PCDHA13: variants seen among roughly 807,000 people sequenced by gnomAD.
The protein encoded by PCDHA13 is protocadherin alpha 13, also known as protocadherin alpha-13.
In PCDHA13, 54 loss-of-function variants were observed where a neutral mutation model predicts 64.8. The observed-to-expected ratio is 0.83, with a 90% CI of 0.67 to 1.04. PCDHA13 has a LOEUF of 1.04. Ranked by LOEUF, PCDHA13 falls within the 50% of genes least tolerant of loss-of-function variation. PCDHA13 has a pLI of 0.00. For synonymous variants in PCDHA13, 587 were observed against 564.4 expected (o/e 1.04, Z -0.57); for missense variants, 1,248 against 1,254.3 (o/e 0.99, Z 0.08).
intron 3 of PCDHA13, among the ~76,000 whole-genome samples, chr5:141,009,392 G>A (rs1016452113): frequency 2.6e-5 from 4 of 152,184 alleles, no homozygotes; most frequent in Non-Finnish European, 4.4e-5. Flanking sequence ...ACAGGAGGTC[G>A]AGGCTGCAGT....
chr5:140,941,373 G>A (rs576282436), intron 1 of PCDHA13, among the ~76,000 whole-genome samples: 2 of 134,082 alleles, frequency 1.5e-5, no homozygotes, highest in South Asian at 5.1e-4. Flanking sequence ...CTGGAGTGTA[G>A]TGACAGGATT....
intron 1 of PCDHA13, among the ~76,000 whole-genome samples, chr5:140,914,270 ATATATT>A (rs1554196274): frequency 6.6e-6 from 1 of 152,146 alleles, no homozygotes; most frequent in Non-Finnish European, 1.5e-5. Context: ...GTGGGTGCAT[ATATATT>A]TATAATTGTT....
intron 3 of PCDHA13, among the ~76,000 whole-genome samples, chr5:140,994,980 C>A (rs1311252472): frequency 4.6e-5 from 7 of 151,992 alleles, no homozygotes; most frequent in Admixed American, 1.3e-4. Flanking sequence ...CCATGGAGAC[C>A]CACTAGAAGG....
intron 1 of PCDHA13, among the ~76,000 whole-genome samples, chr5:140,970,706 A>G (rs1266484266): frequency 6.6e-6 from 1 of 152,224 alleles, no homozygotes; most frequent in Non-Finnish European, 1.5e-5. Context: ...CTACTACACA[A>G]TGTGTGAACA....
At position 140,936,025 on chromosome 5, in the gene PCDHA13, G is replaced by A. The variant is rs542573400; in HGVS notation, c.2395-42924G>A. On this transcript the variant is annotated intron_variant, in intron 1 of 3. Coordinates refer to ENST00000289272, the MANE Select transcript of PCDHA13 (RefSeq NM_018904.3). ...CTCCCACCTCAGCCTCCCGAGTAGC[G>A]GGGATTACAGGCACCCACCACCACA... 1.5e-3 allele frequency among the ~76,000 whole-genome samples: 222 copies of A among 151,390 alleles called. 1 individual carries two copies. The highest frequency in any genetic ancestry group is 6.8e-3 in the Middle Eastern group (2 of 294).
intron 1 of PCDHA13, among the ~76,000 whole-genome samples, chr5:140,956,777 G>A (rs1470027067): frequency 6.6e-6 from 1 of 152,022 alleles, no homozygotes; most frequent in Admixed American, 6.6e-5. Context: ...GTCTGGTCCT[G>A]GGCTTTGTTT....
At chr5:140,952,961 A>G (rs531904047) in intron 1 of PCDHA13, among the ~76,000 whole-genome samples, 1 of 152,158 alleles carries the variant, frequency 6.6e-6, no homozygotes, top group East Asian at 1.9e-4. Context: ...GGGAAGTGAT[A>G]CACACTTTTA....
chr5:140,968,488 C>A, intron 1 of PCDHA13: 1 of 1,614,148 alleles, frequency 6.2e-7, no homozygotes, highest in South Asian at 1.1e-5. Context: ...ACATGAATGA[C>A]CATGCCCCTC....
chr5:140,889,639 G>A (rs1271182789), intron 1 of PCDHA13, among the ~76,000 whole-genome samples: 1 of 151,770 alleles, frequency 6.6e-6, no homozygotes, highest in Non-Finnish European at 1.5e-5. Flanking sequence ...TTTCATTTGT[G>A]TTTGCAGGAG....
chr5:140,940,305 A>G (rs2092590184), intron 1 of PCDHA13, among the ~76,000 whole-genome samples: 1 of 152,126 alleles, frequency 6.6e-6, no homozygotes, highest in Non-Finnish European at 1.5e-5. Flanking sequence ...GTAATTTATT[A>G]TCTTTCTTCC....
intron 1 of PCDHA13, among the ~76,000 whole-genome samples, chr5:140,948,191 C>A (rs2094221032): frequency 6.6e-6 from 1 of 151,562 alleles, no homozygotes; most frequent in African/African-American, 2.4e-5. Context: ...CCCACTTAGT[C>A]ATGATATATT....
rs2093245729 is a variant in PCDHA13 at position 140,942,201 on chromosome 5, G to A, written c.2395-36748G>A. Among the ~76,000 whole-genome samples, 3 of 151,938 alleles carry A rather than the reference G, an allele frequency of 2.0e-5. No individual in the cohort carries two copies. The South Asian group carries it at 6.2e-4, about 32-fold the overall frequency. On this transcript the variant is annotated intron_variant, in intron 1 of 3. Coordinates refer to ENST00000289272, the MANE Select transcript of PCDHA13 (RefSeq NM_018904.3). Reference sequence around the variant, plus strand: ...GACATTTTATTTAAAATACATTTTTGAGCATAAGATATTTAAAATGTGTAG... The same window carrying A: ...GACATTTTATTTAAAATACATTTTTAAGCATAAGATATTTAAAATGTGTAG...
chr5:140,989,528 G>A (rs1451731382), intron 3 of PCDHA13, among the ~76,000 whole-genome samples: 2 of 152,178 alleles, frequency 1.3e-5, no homozygotes, highest in African/African-American at 4.8e-5. Context: ...GGCAGAGGAG[G>A]AAGATAGTTT....
chr5:140,903,434 A>T (rs1372993909), intron 1 of PCDHA13, among the ~76,000 whole-genome samples: 1 of 152,226 alleles, frequency 6.6e-6, no homozygotes, highest in Non-Finnish European at 1.5e-5. Context: ...AATATGTATC[A>T]GTGGAATTCA....
rs782118774 is a variant in PCDHA13 at position 140,929,021 on chromosome 5, G to A, written c.2394+44359G>A. ...TTCGTGTGTACCAAGTTGCACCAGAGCCCAGGCTGTTGCGCTCAGAGCTGC... is the reference window on the plus strand; with the variant it reads ...TTCGTGTGTACCAAGTTGCACCAGAACCCAGGCTGTTGCGCTCAGAGCTGC... On this transcript the variant is annotated intron_variant, in intron 1 of 3. Coordinates refer to ENST00000289272, the MANE Select transcript of PCDHA13 (RefSeq NM_018904.3). 5 of 1,614,072 alleles carry A rather than the reference G, an allele frequency of 3.1e-6. No homozygotes were observed. In the African/African-American group the frequency reaches 6.7e-5, roughly 22 times the overall value.
chr5:140,953,364 G>T (rs1177357093), intron 1 of PCDHA13, among the ~76,000 whole-genome samples: 1 of 152,088 alleles, frequency 6.6e-6, no homozygotes, highest in Non-Finnish European at 1.5e-5. Flanking sequence ...TGCACTCAAG[G>T]ATTCTCTACC....
intron 1 of PCDHA13, among the ~76,000 whole-genome samples, chr5:140,903,405 G>A (rs2070271184): frequency 6.6e-6 from 1 of 152,184 alleles, no homozygotes; most frequent in Non-Finnish European, 1.5e-5. Flanking sequence ...CAGTAGTGCA[G>A]TCAGGAAAAA....
chr5:140,888,271 T>A (rs1466153758), intron 1 of PCDHA13, among the ~76,000 whole-genome samples: 2 of 152,068 alleles, frequency 1.3e-5, no homozygotes, highest in African/African-American at 4.8e-5. Context: ...TAAGAAACAG[T>A]TTTGTCCCCT....
intron 1 of PCDHA13, chr5:140,968,302 G>C (rs2096236958): frequency 6.2e-7 from 1 of 1,613,812 alleles, no homozygotes; most frequent in African/African-American, 1.3e-5. Context: ...TGGAGAGGGA[G>C]ATTCAAGGGC....
Sources: allele counts gnomAD v4.1 joint callset (sites outside exome capture counted in the v4.1 genomes callset), GRCh38; gene constraint gnomAD v4.1.1; transcripts MANE v1.5; gene names NCBI Gene and HGNC (gene_info 2026-07-23, HGNC 2026-07-21).